Variants in SH3PXD2A observed in about 807,000 individuals in gnomAD.
SH3PXD2A encodes the protein SH3 and PX domains 2A.
Under a neutral mutation model 115.2 loss-of-function variants are expected in SH3PXD2A, and 32 were observed. That is an observed-to-expected ratio of 0.28 (90% confidence interval 0.21 to 0.37). The LOEUF (loss-of-function observed/expected upper bound fraction) is 0.37, where lower values mean the gene tolerates loss of function less well. SH3PXD2A is among the 10% of genes least tolerant of loss of function. The pLI is 1.00. For synonymous variants in SH3PXD2A, 610 were observed against 629.1 expected (o/e 0.97, Z 0.45); for missense variants, 1,328 against 1,498.7 (o/e 0.89, Z 1.88).
intron 5 of SH3PXD2A, among the ~76,000 whole-genome samples, chr10:103,702,596 CGT>C (rs6144056): frequency 1.2e-3 from 184 of 147,548 alleles, no homozygotes; most frequent in African/African-American, 4.3e-3. Context: ...TGTGTGTGTG[CGT>C]GTGTGTGTGT....
rs993284178 is a variant in SH3PXD2A, at chr10:103,660,915, A to C, written c.604+68T>G. On this transcript the variant is annotated intron_variant, in intron 8 of 14. Coordinates refer to ENST00000369774, the MANE Select transcript of SH3PXD2A (RefSeq NM_001394015.1). The stretch of plus-strand genomic sequence containing the variant: ...TGCAGCGGTGGGGGAGGAGGGAGGA[A>C]CAAAAACCAGCTCGGCCCGGGGGCC... 7 of 1,555,610 alleles carry C rather than the reference A, an allele frequency of 4.5e-6. No individual in the cohort carries two copies. In the African/African-American group the frequency reaches 5.4e-5, roughly 12 times the overall value.
At chr10:103,701,383 TCATC>T (rs1445542856) in intron 5 of SH3PXD2A, among the ~76,000 whole-genome samples, 13 of 112,700 alleles carry the variant, frequency 1.2e-4, no homozygotes. Context: ...CATCCATCCA[TCATC>T]CATCCATCAT....
intron 1 of SH3PXD2A, among the ~76,000 whole-genome samples, chr10:103,824,521 G>A (rs539734105): frequency 3.3e-5 from 5 of 152,020 alleles, no homozygotes; most frequent in South Asian, 4.2e-4. Flanking sequence ...GCTAATGCCC[G>A]CCCATACCCA....
At chr10:103,621,517 C>A (rs1308953715) in intron 10 of SH3PXD2A, among the ~76,000 whole-genome samples, 2 of 152,240 alleles carry the variant, frequency 1.3e-5, no homozygotes. Context: ...CATGCTCTTA[C>A]AGTCATTTAG....
In SH3PXD2A at chr10:103,724,342, G is replaced by A. The variant is rs764693058; in HGVS notation, c.326C>T (p.Pro109Leu). 1.3e-6 allele frequency: 2 copies of A among 1,581,204 alleles called. No homozygotes were observed. The highest frequency in any genetic ancestry group is 1.7e-6 in the Non-Finnish European group (2 of 1,167,110). Residue 109 changes from proline (P) to leucine (L), a missense_variant, in exon 5 of 15, where the codon CCC (proline) becomes CTC (leucine). This residue lies in a region of SH3PXD2A where 110 missense variants were observed against 160.0 expected (regional missense o/e 0.69). Transcript: ENST00000369774. The part of the protein sequence containing the change: ...EYCRALVRLP[P>L]HISQCDEVFR... ...GACTTCGTCACACTGTGAGATGTGG[G>A]GGGGCAGCCGGACAAGTGCCTGTGG... is the stretch of plus-strand genomic sequence containing the variant.
intron 1 of SH3PXD2A, among the ~76,000 whole-genome samples, chr10:103,810,678 T>G (rs1323127811): frequency 6.6e-6 from 1 of 152,114 alleles, no homozygotes; most frequent in Non-Finnish European, 1.5e-5. Flanking sequence ...GGCCTAGCAA[T>G]GTGCAAAGTG....
At chr10:103,645,900 T>C (rs1482843596) in intron 8 of SH3PXD2A, among the ~76,000 whole-genome samples, 1 of 152,110 alleles carries the variant, frequency 6.6e-6, no homozygotes, top group Non-Finnish European at 1.5e-5. Context: ...AAGCCTCCAG[T>C]GGATTCACCA....
At chr10:103,839,766 A>C (rs2039579818) in intron 1 of SH3PXD2A, among the ~76,000 whole-genome samples, 1 of 152,246 alleles carries the variant, frequency 6.6e-6, no homozygotes, top group Non-Finnish European at 1.5e-5. Flanking sequence ...ACAGAGAAGG[A>C]AATTGAGGCT....
chr10:103,855,166 C>A, intron 1 of SH3PXD2A, 29 bp downstream of exon 1: 1 of 1,509,920 alleles, frequency 6.6e-7, no homozygotes, highest in Non-Finnish European at 8.9e-7. Flanking sequence ...CGGGCCACCC[C>A]CAGCAGGGTC....
intron 3 of SH3PXD2A, chr10:103,749,851 G>A (rs778655928): frequency 5.3e-5 from 8 of 152,216 alleles, no homozygotes; most frequent in Non-Finnish European, 1.0e-4. Context: ...AGATCCATGT[G>A]GCAAGGAGCT....
At chr10:103,720,758 G>A (rs2038172403) in intron 5 of SH3PXD2A, among the ~76,000 whole-genome samples, 1 of 152,208 alleles carries the variant, frequency 6.6e-6, no homozygotes, top group South Asian at 2.1e-4. Context: ...GGGAGGAGGT[G>A]CAGGCACTAG....
chr10:103,841,522 G>C (rs1361684946), intron 1 of SH3PXD2A, among the ~76,000 whole-genome samples: 2 of 152,288 alleles, frequency 1.3e-5, no homozygotes, highest in East Asian at 3.9e-4. Context: ...CTCTGGCAGT[G>C]TTTTGGCCAG....
At chr10:103,808,041 G>A (rs1003756963) in intron 1 of SH3PXD2A, among the ~76,000 whole-genome samples, 3 of 151,922 alleles carry the variant, frequency 2.0e-5, no homozygotes, top group Non-Finnish European at 2.9e-5. Context: ...ATCATGGGGG[G>A]GTTGGTAAGA....
chr10:103,779,507 C>G (rs1029903433), intron 2 of SH3PXD2A, among the ~76,000 whole-genome samples: 1 of 152,100 alleles, frequency 6.6e-6, no homozygotes, highest in Non-Finnish European at 1.5e-5. Flanking sequence ...GTGTGAGGGG[C>G]AGGGCTGCAG....
chr10:103,614,332 C>G (rs1257261016), intron 11 of SH3PXD2A, among the ~76,000 whole-genome samples: 1 of 152,000 alleles, frequency 6.6e-6, no homozygotes, highest in Non-Finnish European at 1.5e-5. Context: ...TGGCTTTATA[C>G]CATATAGCAG....
rs1045715308 is a variant in SH3PXD2A, at chr10:103,596,333, C to G, written c.*5483G>C. On this transcript the variant is annotated 3_prime_UTR_variant, in exon 15 of 15. Coordinates refer to ENST00000369774, the MANE Select transcript of SH3PXD2A (RefSeq NM_001394015.1). Reference sequence around the variant, plus strand: ...TCCCAGTGGCATCTCTTTTGCACATCTTCATTTTGGAGCCTGGGATGACTG... The same window carrying G: ...TCCCAGTGGCATCTCTTTTGCACATGTTCATTTTGGAGCCTGGGATGACTG... 24 of 152,576 alleles carry G rather than the reference C, an allele frequency of 1.6e-4. 1 individual carries two copies. The highest frequency in any genetic ancestry group is 1.5e-3 in the Admixed American group (23 of 15,272). The allele number at this position is 152,576 out of a possible 1,614,324, so 9.5% of individuals were successfully genotyped here.
intron 6 of SH3PXD2A, 57 bp from the exon 7 acceptor site, chr10:103,668,709 G>A (rs942834746): frequency 2.2e-6 from 3 of 1,350,312 alleles, no homozygotes; most frequent in South Asian, 1.3e-5. Flanking sequence ...GAGAGAGAAC[G>A]GTTAGGCAGG....
intron 4 of SH3PXD2A, among the ~76,000 whole-genome samples, chr10:103,727,802 C>T (rs1009774421): frequency 3.9e-5 from 6 of 152,246 alleles, no homozygotes; most frequent in African/African-American, 9.6e-5. Flanking sequence ...AGGGGAGCCG[C>T]GTGGAGGGCT....
intron 4 of SH3PXD2A, among the ~76,000 whole-genome samples, chr10:103,729,178 G>A (rs1011176651): frequency 5.3e-5 from 8 of 152,146 alleles, no homozygotes; most frequent in African/African-American, 1.9e-4. Flanking sequence ...GGGATTACAG[G>A]CATGAGCCAT....
Sources: gnomAD v4.1 joint callset for allele counts (sites outside exome capture counted in the v4.1 genomes callset) on GRCh38, gnomAD v4.1.1 for gene constraint, gnomAD v4.1.1 regional missense constraint, MANE v1.5 for transcripts, NCBI Gene and HGNC (gene_info 2026-07-23, HGNC 2026-07-21) for gene names.